The following ODR4 variants were observed in gnomAD, a reference collection of about 807,000 sequenced individuals.
ODR4 encodes odr-4 GPCR localization factor homolog, also known as protein odr-4 homolog.
A neutral mutation model predicts 60.2 loss-of-function variants in ODR4; 47 were observed. The ratio of observed to expected loss-of-function variants is 0.78; its 90% confidence interval spans 0.62 to 1.00. The LOEUF (loss-of-function observed/expected upper bound fraction) is 1.00, where lower values mean the gene tolerates loss of function less well. Among genes scored for constraint, ODR4 ranks in the 50% least tolerant of loss-of-function variants. ODR4 has a pLI of 0.00. For missense variants in ODR4, 488 were observed against 530.8 expected, an observed-to-expected ratio of 0.92 and a Z score of 0.79; for synonymous variants, 178 against 175.5, an observed-to-expected ratio of 1.01 and a Z score of -0.11.
chr1:186,395,888 T>TTCTGTACTGACTAGTTAGAGAAGTCC (rs1371061108), intron 9 of ODR4, among the ~76,000 whole-genome samples: 2 of 152,184 alleles, frequency 1.3e-5, no homozygotes, highest in African/African-American at 2.4e-5. Flanking sequence ...TTCTTAAGTG[T>TTCTGTACTGACTAGTTAGAGAAGTCC]TCTGTACTGA....
Position 186,391,748 on chromosome 1 carries a change from A to G in ODR4, c.668A>G (p.Asn223Ser), listed in dbSNP as rs1260921313. The G allele has an allele frequency of 1.2e-6, 2 of 1,605,156 alleles. No homozygotes were observed. The highest frequency in any genetic ancestry group is 8.5e-7 in the Non-Finnish European group (1 of 1,175,910). ...KEIENGVYLI[N>S]GQVKDEDCDL... ...ATAGAAAATGGTGTTTATTTGATTA[A>G]TGGACAAGTTAAAGATGAAGATTGT... The change falls in exon 8 of 14, where the codon AAT becomes AGT. Residue 223 changes from asparagine (N) to serine (S), a missense_variant. Asn to Ser is a conservative substitution (Grantham distance 46, BLOSUM62 1). Coordinates refer to ENST00000287859, the MANE Select transcript of ODR4 (RefSeq NM_017847.6).
In ODR4 at chr1:186,383,560, TTTTG is replaced by T. The variant is rs202110482; in HGVS notation, c.234+416_234+419del. Among the ~76,000 whole-genome samples, 260 of 152,130 alleles carry T rather than the reference TTTTG, an allele frequency of 1.7e-3. 1 individual carries two copies. The highest frequency in any genetic ancestry group is 5.0e-3 in the African/African-American group (209 of 41,516). On this transcript the variant is annotated intron_variant, in intron 3 of 13. Coordinates refer to ENST00000287859, the MANE Select transcript of ODR4 (RefSeq NM_017847.6). ...TGTGACAGACTTGCACATTCTGCGT[TTTTG>T]TTTGTTTGTTTTAAGAAAAAGAATT...
At chr1:186,402,214 C>CTTTCTTTCTT (rs1558085066) in intron 11 of ODR4, among the ~76,000 whole-genome samples, 1 of 148,530 alleles carries the variant, frequency 6.7e-6, no homozygotes, top group Non-Finnish European at 1.5e-5. Context: ...TTCTTTCTTT[C>CTTTCTTTCTT]TTTCTTTCTT....
the ODR4 span, among the ~76,000 whole-genome samples, chr1:186,433,877 C>T: frequency 6.6e-6 from 1 of 152,120 alleles, no homozygotes; most frequent in Admixed American, 6.5e-5. Context: ...CCGCGCCTGG[C>T]CAGTTGCAGT....
At position 186,403,500 on chromosome 1, in the gene ODR4, G is replaced by T. The variant is rs1175110470; in HGVS notation, c.1001-2583G>T. Among the ~76,000 whole-genome samples the T allele has an allele frequency of 2.0e-5, 3 of 151,904 alleles. No individual in the cohort carries two copies. In the East Asian group the frequency reaches 5.8e-4, roughly 29 times the overall value. On this transcript the variant is annotated intron_variant, in intron 11 of 13. Coordinates refer to ENST00000287859, the MANE Select transcript of ODR4 (RefSeq NM_017847.6). ...AAGATCTTATAGATGCTGTAATATA[G>T]TAAAATGTAGAATGTATGCCATAAA... is the stretch of plus-strand genomic sequence containing the variant.
At chr1:186,418,916 C>T in intron 13 of ODR4, 93 bp from the exon 14 acceptor site, 3 of 1,011,942 alleles carry the variant, frequency 3.0e-6, no homozygotes, top group Non-Finnish European at 4.5e-6. Context: ...TTTTTTAGGC[C>T]CATCAGTTAC....
At chr1:186,393,728 G>A (rs1181714820) in intron 8 of ODR4, among the ~76,000 whole-genome samples, 1 of 152,216 alleles carries the variant, frequency 6.6e-6, no homozygotes, top group African/African-American at 2.4e-5. Flanking sequence ...TGGTTTGCCA[G>A]TTGTTGCTTT....
At chr1:186,399,074 G>A (rs111313398) in intron 11 of ODR4, 30 bp downstream of exon 11, 354 of 1,393,848 alleles carry the variant, frequency 2.5e-4, no homozygotes, top group East Asian at 9.9e-4. Context: ...ACTTTTTTGC[G>A]TATCTTCAAC....
At chr1:186,418,143 A>G (rs1479564783) in intron 13 of ODR4, among the ~76,000 whole-genome samples, 1 of 152,214 alleles carries the variant, frequency 6.6e-6, no homozygotes, top group African/African-American at 2.4e-5. Context: ...GAGAAATACT[A>G]AGTTTTAAGA....
In ODR4 at chr1:186,420,746, T is replaced by C. The variant is rs1393268827; in HGVS notation, c.*1670T>C. On this transcript the variant is annotated 3_prime_UTR_variant, in exon 14 of 14. Transcript: ENST00000287859. The stretch of plus-strand genomic sequence containing the variant: ...AGGAGAAACAAGGAGCTAGAAAACA[T>C]TGGAAAGTTAAGAGAGTTCGAGGGA... 6.6e-6 allele frequency: 1 copy of C among 151,962 alleles called. No individual in the cohort carries two copies. The highest frequency in any genetic ancestry group is 1.5e-5 in the Non-Finnish European group (1 of 68,000). 9.4% of individuals were successfully genotyped at this position (151,962 alleles called of 1,614,324 possible). A position where few individuals can be genotyped will look rare whatever the true frequency, so the allele number is the denominator to read the frequency against.
Position 186,419,289 on chromosome 1 carries a change from G to C in ODR4, c.*213G>C. The stretch of plus-strand genomic sequence containing the variant: ...GGTGGCCCGCATTTCCAGAAATAAC[G>C]TTATGCATCTAGATGGAAGCTGCAT... On this transcript the variant is annotated 3_prime_UTR_variant, in exon 14 of 14. Transcript: ENST00000287859. The C allele has an allele frequency of 3.6e-6, 2 of 557,250 alleles. No individual in the cohort carries two copies. 34.5% of individuals were successfully genotyped at this position (557,250 alleles called of 1,614,324 possible). A position where few individuals can be genotyped will look rare whatever the true frequency, so the allele number is the denominator to read the frequency against.
In ODR4 at chr1:186,398,583, A is replaced by G. The variant is rs533909504; in HGVS notation, c.909+142A>G. The stretch of plus-strand genomic sequence containing the variant: ...GCCTATTGTGCAGTCCAAATGTACC[A>G]TATAATTGGTGTGAAGATTTTCATA... On this transcript the variant is annotated intron_variant, in intron 10 of 13. Transcript: ENST00000287859. 17 of 824,890 alleles carry G rather than the reference A, an allele frequency of 2.1e-5. No homozygotes were observed. In the East Asian group the frequency reaches 4.0e-4, roughly 19 times the overall value. 51.1% of individuals were successfully genotyped at this position (824,890 alleles called of 1,614,324 possible). A position where few individuals can be genotyped will look rare whatever the true frequency, so the allele number is the denominator to read the frequency against.
In ODR4 at chr1:186,398,342, C is replaced by A; in HGVS notation, c.810C>A (p.Ala270=). ...TGAATTCAGACCACAGATCCACAGC[C>A]ACAGTCCAGATATGTAGCGGTTCTG... ...LLLNSDHRST[A]TVQICSGSVN... is the part of the protein sequence containing the mutation. The change falls in exon 10 of 14, where the codon GCC becomes GCA. Residue 270 remains alanine (A), a synonymous_variant. Coordinates refer to ENST00000287859, the MANE Select transcript of ODR4 (RefSeq NM_017847.6). The A allele has an allele frequency of 6.2e-7, 1 of 1,604,702 alleles. No individual in the cohort carries two copies. Among genetic ancestry groups the A allele is most frequent in the Non-Finnish European group, 8.5e-7 (1 of 1,175,052 alleles).
intron 12 of ODR4, among the ~76,000 whole-genome samples, chr1:186,413,830 A>G (rs1193715825): frequency 1.3e-5 from 2 of 152,212 alleles, no homozygotes; most frequent in Non-Finnish European, 2.9e-5. Flanking sequence ...TTAAGCTTCT[A>G]AATAGTTCTG....
intron 11 of ODR4, chr1:186,401,143 G>A: frequency 1.9e-6 from 3 of 1,596,168 alleles, no homozygotes; most frequent in Non-Finnish European, 2.6e-6. Flanking sequence ...GGTATTATAT[G>A]GCTATCCTGG....
chr1:186,433,613 C>A, the ODR4 span, among the ~76,000 whole-genome samples: 1 of 152,096 alleles, frequency 6.6e-6, no homozygotes, highest in East Asian at 1.9e-4. Context: ...CAGAGTCTCA[C>A]TCTGTGGCGC....
chr1:186,417,975 G>C (rs1025457829), intron 13 of ODR4, among the ~76,000 whole-genome samples: 2 of 152,156 alleles, frequency 1.3e-5, no homozygotes, highest in African/African-American at 4.8e-5. Context: ...ACTATTGCAG[G>C]AGATTTTGAT....
At chr1:186,399,775 GCTT>G (rs1188553352) in intron 11 of ODR4, among the ~76,000 whole-genome samples, 7 of 151,838 alleles carry the variant, frequency 4.6e-5, no homozygotes, top group Middle Eastern at 3.2e-3. Flanking sequence ...TAGTTTATAT[GCTT>G]CTCAGCTATT....
At chr1:186,421,879 AAT>A (rs1661793381), downstream of ODR4, among the ~76,000 whole-genome samples, 1 of 135,136 alleles carries the variant, frequency 7.4e-6, no homozygotes, top group Non-Finnish European at 1.6e-5. Context: ...AAAAAAAAAA[AAT>A]GATGAATCAT....
Sources: allele counts gnomAD v4.1 joint callset (sites outside exome capture counted in the v4.1 genomes callset), GRCh38; gene constraint gnomAD v4.1.1; transcripts MANE v1.5; gene names NCBI Gene and HGNC (gene_info 2026-07-23, HGNC 2026-07-21).